SORCS1: variants seen among roughly 807,000 people sequenced by gnomAD.
The protein encoded by SORCS1 is sortilin related VPS10 domain containing receptor 1.
A neutral mutation model predicts 146.1 loss-of-function variants in SORCS1; 60 were observed. The observed-to-expected ratio is 0.41, with a 90% CI of 0.33 to 0.51. The LOEUF (loss-of-function observed/expected upper bound fraction) is 0.51. SORCS1 is among the 20% of genes least tolerant of loss of function. SORCS1 has a pLI of 0.21. For missense variants in SORCS1, 1,352 were observed against 1,487.6 expected (o/e 0.91, Z 1.50); for synonymous variants, 637 against 584.0 (o/e 1.09, Z -1.31).
intron 3 of SORCS1, among the ~76,000 whole-genome samples, chr10:106,785,703 G>A (rs1208934437): frequency 6.6e-6 from 1 of 152,150 alleles, no homozygotes; most frequent in Admixed American, 6.5e-5. Context: ...AAGCTTTCCT[G>A]AAAAGACTAC....
In SORCS1 at chr10:106,778,842, T is replaced by A. The variant is rs114259144; in HGVS notation, c.727-2150A>T. On this transcript the variant is annotated intron_variant, in intron 3 of 25. Transcript: ENST00000263054. ...ATGCTTTCCTCTTTTCCCATGAGTA[T>A]AGATCTCCCCACCTGCTTCTCCTGG... Among the ~76,000 whole-genome samples, 1,217 of 152,298 alleles carry A rather than the reference T, an allele frequency of 8.0e-3. 17 individuals carry two copies. The highest frequency in any genetic ancestry group is 0.027 in the African/African-American group (1,120 of 41,552).
chr10:106,738,081 T>C lies in SORCS1; in HGVS notation c.960-7967A>G, dbSNP rs190120367. Among the ~76,000 whole-genome samples, 564 of 152,302 alleles carry C rather than the reference T, an allele frequency of 3.7e-3. 10 individuals carry two copies. Among genetic ancestry groups the C allele is most frequent in the African/African-American group, 0.013 (544 of 41,578 alleles). ...GATTTTTTCAGTCGTTGTCTATTGATGGACGCAAAGAAAAAATATACATAA... is the reference window on the plus strand; with the variant it reads ...GATTTTTTCAGTCGTTGTCTATTGACGGACGCAAAGAAAAAATATACATAA... On this transcript the variant is annotated intron_variant, in intron 5 of 25. Transcript: ENST00000263054.
At chr10:106,601,745 G>A (rs1192843385) in intron 23 of SORCS1, among the ~76,000 whole-genome samples, 2 of 152,196 alleles carry the variant, frequency 1.3e-5, no homozygotes, top group Admixed American at 6.5e-5. Flanking sequence ...CTGGCTGGTG[G>A]AGCGGCCATC....
chr10:106,881,903 G>A (rs1370659404), intron 2 of SORCS1, among the ~76,000 whole-genome samples: 1 of 152,142 alleles, frequency 6.6e-6, no homozygotes, highest in African/African-American at 2.4e-5. Flanking sequence ...AATACTGTGG[G>A]CACAGAAATG....
intron 5 of SORCS1, among the ~76,000 whole-genome samples, chr10:106,736,602 T>TC (rs1433395056): frequency 2.6e-5 from 1 of 38,758 alleles, no homozygotes; most frequent in African/African-American, 6.9e-5. Context: ...TAACCCTGGT[T>TC]AAAAAAAAAA....
intron 4 of SORCS1, among the ~76,000 whole-genome samples, chr10:106,771,087 G>T (rs972731325): frequency 2.0e-5 from 3 of 152,188 alleles, no homozygotes; most frequent in Non-Finnish European, 4.4e-5. Context: ...GTTCATGTTG[G>T]TTTCACAACA....
At chr10:106,669,807 G>C (rs1589621266) in intron 16 of SORCS1, among the ~76,000 whole-genome samples, 1 of 152,140 alleles carries the variant, frequency 6.6e-6, no homozygotes, top group East Asian at 1.9e-4. Context: ...ACCAACAAGG[G>C]GATACAGCTG....
intron 2 of SORCS1, among the ~76,000 whole-genome samples, chr10:106,880,873 G>A (rs543776528): frequency 1.3e-5 from 2 of 152,068 alleles, no homozygotes; most frequent in South Asian, 4.2e-4. Flanking sequence ...CGGATCACAA[G>A]GTCAGGAGAT....
intron 2 of SORCS1, among the ~76,000 whole-genome samples, chr10:106,903,473 G>A (rs933127888): frequency 9.2e-5 from 14 of 152,168 alleles, no homozygotes; most frequent in Non-Finnish European, 1.8e-4. Flanking sequence ...TACAGTCCAA[G>A]ACAATCCTAT....
intron 3 of SORCS1, among the ~76,000 whole-genome samples, chr10:106,786,822 T>C (rs1946075414): frequency 6.6e-6 from 1 of 152,204 alleles, no homozygotes; most frequent in African/African-American, 2.4e-5. Flanking sequence ...AATGTCCTCA[T>C]AATCATAGAA....
chr10:106,867,148 A>G (rs556265530), intron 2 of SORCS1, among the ~76,000 whole-genome samples: 1 of 152,282 alleles, frequency 6.6e-6, no homozygotes, highest in Non-Finnish European at 1.5e-5. Flanking sequence ...AGATTTTCCA[A>G]GGTCAAAATG....
chr10:106,953,656 T>C (rs1954808686), intron 2 of SORCS1, among the ~76,000 whole-genome samples: 1 of 152,190 alleles, frequency 6.6e-6, no homozygotes, highest in African/African-American at 2.4e-5. Context: ...GCATACTACT[T>C]ATGTAGGCAT....
At chr10:106,603,911 G>A (rs144326617) in intron 23 of SORCS1, among the ~76,000 whole-genome samples, 27 of 152,270 alleles carry the variant, frequency 1.8e-4, no homozygotes, top group African/African-American at 6.3e-4. Flanking sequence ...AAACGTCTCA[G>A]TTGTCACTGA....
intron 3 of SORCS1, among the ~76,000 whole-genome samples, chr10:106,803,725 TA>T: frequency 6.6e-6 from 1 of 152,332 alleles, no homozygotes; most frequent in African/African-American, 2.4e-5. Context: ...GAACAACTGA[TA>T]AAAGAGTTTC....
intron 6 of SORCS1, among the ~76,000 whole-genome samples, chr10:106,712,896 A>T (rs151154890): frequency 7.5e-4 from 114 of 152,324 alleles, no homozygotes; most frequent in African/African-American, 2.6e-3. Flanking sequence ...CATGTGACTC[A>T]GAAGTTCCCA....
intron 9 of SORCS1, among the ~76,000 whole-genome samples, chr10:106,693,152 C>T (rs1853427045): frequency 6.6e-6 from 1 of 152,130 alleles, no homozygotes; most frequent in Non-Finnish European, 1.5e-5. Context: ...CCAAAAATGT[C>T]TAAAATCTGA....
At chr10:106,957,080 T>C (rs1954978714) in intron 1 of SORCS1, among the ~76,000 whole-genome samples, 1 of 152,174 alleles carries the variant, frequency 6.6e-6, no homozygotes, top group African/African-American at 2.4e-5. Context: ...TGAACAGTAA[T>C]GCTATCTCCC....
intron 24 of SORCS1, among the ~76,000 whole-genome samples, chr10:106,592,648 A>G (rs1845668426): frequency 2.0e-5 from 3 of 152,128 alleles, no homozygotes. Flanking sequence ...GAGACATGAA[A>G]TGTTGCTAAC....
intron 1 of SORCS1, among the ~76,000 whole-genome samples, chr10:107,108,569 G>A (rs1965467142): frequency 6.6e-6 from 1 of 152,050 alleles, no homozygotes; most frequent in African/African-American, 2.4e-5. Flanking sequence ...CTCCCACCAG[G>A]CCCCACCTCA....
Sources: gnomAD v4.1 joint callset for allele counts (sites outside exome capture counted in the v4.1 genomes callset) on GRCh38, gnomAD v4.1.1 for gene constraint, MANE v1.5 for transcripts, NCBI Gene and HGNC (gene_info 2026-07-23, HGNC 2026-07-21) for gene names.